LARGE1: variants seen among roughly 807,000 people sequenced by gnomAD.
LARGE1 encodes the protein xylosyl- and glucuronyltransferase LARGE1.
A neutral mutation model predicts 87.6 loss-of-function variants in LARGE1; 43 were observed. The ratio of observed to expected loss-of-function variants is 0.49; its 90% CI spans 0.38 to 0.63. The LOEUF is 0.63. LARGE1 is among the 30% of genes least tolerant of loss of function. The pLI, the probability that LARGE1 is intolerant of heterozygous loss-of-function variation, is 0.00. For synonymous variants in LARGE1, 434 were observed against 394.6 expected (o/e 1.10, Z -1.18); for missense variants, 802 against 1,000.2 (o/e 0.80, Z 2.67).
intron 2 of LARGE1, among the ~76,000 whole-genome samples, chr22:33,655,277 T>C (rs1846596329): frequency 6.6e-6 from 1 of 152,162 alleles, no homozygotes; most frequent in African/African-American, 2.4e-5. Context: ...GTTGAAGGCA[T>C]GAGTAGAACA....
intron 1 of LARGE1, among the ~76,000 whole-genome samples, chr22:33,767,822 G>C (rs2084951761): frequency 6.6e-6 from 1 of 152,162 alleles, no homozygotes; most frequent in African/African-American, 2.4e-5. Flanking sequence ...AAACCCTTCA[G>C]AATTGCTTAG....
chr22:33,836,350 C>G (rs2063108742), intron 1 of LARGE1, among the ~76,000 whole-genome samples: 1 of 152,160 alleles, frequency 6.6e-6, no homozygotes, highest in African/African-American at 2.4e-5. Context: ...TAACAAATGC[C>G]TGGCACACAA....
At chr22:33,467,765 A>T (rs750728188) in intron 6 of LARGE1, among the ~76,000 whole-genome samples, 127 of 152,346 alleles carry the variant, frequency 8.3e-4, no homozygotes, top group Non-Finnish European at 4.3e-4. Context: ...TTAATGCTAC[A>T]GGGGTGGAAA....
At chr22:33,433,980 C>G (rs2067176864) in intron 6 of LARGE1, among the ~76,000 whole-genome samples, 1 of 152,168 alleles carries the variant, frequency 6.6e-6, no homozygotes, top group South Asian at 2.1e-4. Flanking sequence ...ATGGGAAAAA[C>G]ACTACCACCC....
chr22:33,360,288 G>GTTTT (rs2064337879), intron 9 of LARGE1, among the ~76,000 whole-genome samples: 1 of 149,304 alleles, frequency 6.7e-6, no homozygotes, highest in African/African-American at 2.5e-5. Context: ...GCTCCAGCCT[G>GTTTT]GGCAACAGAG....
intron 10 of LARGE1, among the ~76,000 whole-genome samples, chr22:33,327,452 T>C (rs190015405): frequency 1.8e-4 from 27 of 152,348 alleles, no homozygotes; most frequent in African/African-American, 6.3e-4. Context: ...TTGAATACTT[T>C]AACCCCTTTA....
At chr22:33,586,398 C>T (rs1018608678) in intron 5 of LARGE1, among the ~76,000 whole-genome samples, 2 of 152,072 alleles carry the variant, frequency 1.3e-5, no homozygotes, top group Admixed American at 6.5e-5. Flanking sequence ...TGGTATGCTG[C>T]ACCCTTACAC....
At chr22:33,528,589 C>T (rs1007457155) in intron 6 of LARGE1, among the ~76,000 whole-genome samples, 2 of 152,234 alleles carry the variant, frequency 1.3e-5, no homozygotes, top group South Asian at 2.1e-4. Context: ...CATAGACTGG[C>T]CAGAACCACT....
chr22:33,600,459 G>A (rs2079083919), intron 5 of LARGE1, among the ~76,000 whole-genome samples: 1 of 152,204 alleles, frequency 6.6e-6, no homozygotes, highest in African/African-American at 2.4e-5. Context: ...TGAGTTTACT[G>A]AAGAAATGTA....
chr22:33,352,057 T>C (rs1339945544), intron 9 of LARGE1, among the ~76,000 whole-genome samples: 1 of 152,120 alleles, frequency 6.6e-6, no homozygotes, highest in East Asian at 1.9e-4. Context: ...AACTTTATAG[T>C]GGAGAAACCT....
chr22:33,300,890 G>T (rs1934057147), intron 12 of LARGE1, among the ~76,000 whole-genome samples: 1 of 152,086 alleles, frequency 6.6e-6, no homozygotes, highest in Middle Eastern at 3.2e-3. Flanking sequence ...TGCTCAGGCT[G>T]GTCTCGAATT....
At chr22:33,336,000 T>C (rs1938399057) in intron 10 of LARGE1, among the ~76,000 whole-genome samples, 1 of 152,204 alleles carries the variant, frequency 6.6e-6, no homozygotes, top group African/African-American at 2.4e-5. Flanking sequence ...TACGAATACT[T>C]AGTGTGCAGA....
intron 6 of LARGE1, among the ~76,000 whole-genome samples, chr22:33,449,463 T>C (rs2067823013): frequency 6.6e-6 from 1 of 152,232 alleles, no homozygotes; most frequent in African/African-American, 2.4e-5. Flanking sequence ...GTGTGGGTTT[T>C]AGATTATCAA....
the LARGE1 span, among the ~76,000 whole-genome samples, chr22:33,114,060 T>A: frequency 2.0e-5 from 3 of 150,790 alleles, no homozygotes; most frequent in South Asian, 6.3e-4. Flanking sequence ...TTTTTTTTAG[T>A]AGAGATGAGG....
chr22:33,210,715 C>T (rs1237319529), intron 11 of LARGE1, among the ~76,000 whole-genome samples: 1 of 152,286 alleles, frequency 6.6e-6, no homozygotes, highest in Non-Finnish European at 1.5e-5. Flanking sequence ...CTCACACGCA[C>T]ACGGGCTCAC....
intron 6 of LARGE1, among the ~76,000 whole-genome samples, chr22:33,446,073 C>G (rs1481275059): frequency 6.6e-6 from 1 of 152,242 alleles, no homozygotes; most frequent in Non-Finnish European, 1.5e-5. Flanking sequence ...AGGGAGGCGG[C>G]AGTGGCTGGA....
intron 1 of LARGE1, among the ~76,000 whole-genome samples, chr22:33,797,153 T>C (rs1022412266): frequency 6.6e-6 from 1 of 152,094 alleles, no homozygotes; most frequent in Admixed American, 6.6e-5. Flanking sequence ...AAGAGGGTGA[T>C]GGACCCGTGA....
chr22:33,688,755 G>A (rs2082013735), intron 2 of LARGE1, among the ~76,000 whole-genome samples: 1 of 152,108 alleles, frequency 6.6e-6, no homozygotes, highest in Non-Finnish European at 1.5e-5. Flanking sequence ...TGCAAGTGGA[G>A]GGATGGTCAT....
rs559497029 is a variant in LARGE1 at position 33,579,216 on chromosome 22, A to G, written c.616-14197T>C. 1.1e-4 allele frequency among the ~76,000 whole-genome samples: 16 copies of G among 152,304 alleles called. No homozygotes were observed. In the South Asian group the frequency reaches 2.7e-3, roughly 26 times the overall value. On this transcript the variant is annotated intron_variant, in intron 5 of 14. Transcript: ENST00000397394. ...GTCTTTCCCGTGCTGTTCTTGTGAC[A>G]GTGAGTAAGTCTCATGAGATCTGAT...
Sources: allele counts gnomAD v4.1 joint callset (sites outside exome capture counted in the v4.1 genomes callset), GRCh38; gene constraint gnomAD v4.1.1; transcripts MANE v1.5; gene names NCBI Gene and HGNC (gene_info 2026-07-23, HGNC 2026-07-21).